The following C14orf93 variants were observed in gnomAD, a reference collection of about 807,000 sequenced individuals.
C14orf93 encodes chromosome 14 open reading frame 93, also known as uncharacterized protein C14orf93.
In C14orf93, 23 loss-of-function variants were observed where a neutral mutation model predicts 44.0. That is an observed-to-expected ratio of 0.52 (90% CI 0.38 to 0.74). The LOEUF (loss-of-function observed/expected upper bound fraction) is 0.74, where lower values mean the gene tolerates loss of function less well. Ranked by LOEUF, C14orf93 falls within the 30% of genes least tolerant of loss-of-function variation. C14orf93 has a pLI of 0.00. For missense variants in C14orf93, 579 were observed against 678.9 expected (o/e 0.85, Z 1.64); for synonymous variants, 253 against 265.7 (o/e 0.95, Z 0.46).
rs763903942 is a variant in C14orf93 at position 22,987,864 on chromosome 14, TAG to T, written c.1197+37_1197+38del. The T allele has an allele frequency of 1.7e-5, 26 of 1,523,316 alleles. No homozygotes were observed. The South Asian group carries it at 2.9e-4, about 17-fold the overall frequency. The allele number at this position is 1,523,316 out of a possible 1,614,324, so 94.4% of individuals were successfully genotyped here. On this transcript the variant is annotated intron_variant, in intron 6 of 6. Coordinates refer to ENST00000299088, the MANE Select transcript of C14orf93 (RefSeq NM_021944.4). The surrounding 1 kb of genome is among the most constrained non-coding windows in gnomAD (Gnocchi z 5.6). Reference sequence around the variant, plus strand: ...GGCCCTTCCCACTTAGGAAAGGGTTTAGAGTTTAGTATCTTGAAAGAAAGGCC... The same window carrying T: ...GGCCCTTCCCACTTAGGAAAGGGTTTAGTTTAGTATCTTGAAAGAAAGGCC...
At chr14:23,005,953 A>G (rs867496221) in intron 1 of C14orf93, 2 of 152,192 alleles carry the variant, frequency 1.3e-5, no homozygotes, top group African/African-American at 4.8e-5. Context: ...AATTTTCTGC[A>G]TGACTGAGTT....
At position 22,996,051 on chromosome 14, in the gene C14orf93, C is replaced by T; in HGVS notation, c.815G>A (p.Ser272Asn). Residue 272 changes from serine to asparagine, a missense_variant, in exon 3 of 7, where the codon AGC (serine) becomes AAC (asparagine). By Grantham distance (46) the Ser-to-Asn change is conservative. Transcript: ENST00000299088. This position sits in a 1 kb window ranked among gnomAD's most constrained non-coding sequence, Gnocchi z 4.1. Reference sequence around the variant, plus strand: ...TAGAGAGTGTCTCAGCTCCCCAGTGCTCCCAGGGCCTGACTCTTCCAAGGC... The same window carrying T: ...TAGAGAGTGTCTCAGCTCCCCAGTGTTCCCAGGGCCTGACTCTTCCAAGGC... ...DSALEESGPGSTGELRHSLGL... is the reference protein window; with the variant it reads ...DSALEESGPGNTGELRHSLGL... The T allele has an allele frequency of 1.2e-6, 2 of 1,614,198 alleles. No homozygotes were observed. Among genetic ancestry groups the T allele is most frequent in the South Asian group, 2.2e-5 (2 of 91,084 alleles).
intron 1 of C14orf93, among the ~76,000 whole-genome samples, chr14:23,001,933 G>C (rs1232462528): frequency 1.3e-5 from 2 of 150,720 alleles, no homozygotes; most frequent in Admixed American, 6.6e-5. Flanking sequence ...CGAATCACGA[G>C]GTCAGGAGAT....
Position 23,008,168 on chromosome 14 carries a change from A to C in C14orf93, c.-380+1933T>G, listed in dbSNP as rs1015630473. Among the ~76,000 whole-genome samples, 15 of 101,950 alleles carry C rather than the reference A, an allele frequency of 1.5e-4. No homozygotes were observed. The South Asian group carries it at 2.8e-3, about 19-fold the overall frequency. The allele number at this position is 101,950 out of a possible 152,430, so 66.9% of individuals were successfully genotyped here. A position where few individuals can be genotyped will look rare whatever the true frequency, so the allele number is the denominator to read the frequency against. ...AAACTCCGTTTCAAAAAAAAAAAAA[A>C]AAAAAAAAAAAACTCCCATCACTGT... On this transcript the variant is annotated intron_variant, in intron 1 of 6. Transcript: ENST00000299088.
In C14orf93 at chr14:22,990,140, A is replaced by G. The variant is rs1291609199; in HGVS notation, c.919-13T>C. On this transcript the variant is annotated splice_polypyrimidine_tract_variant and intron_variant, in intron 3 of 6. Transcript: ENST00000299088. ...TGTGGACCAGTTTCTAGGAGGAAAA[A>G]AAGAAAACACAATCAAGCCAAGAGT... The G allele has an allele frequency of 7.5e-6, 12 of 1,609,486 alleles. No individual in the cohort carries two copies. The highest frequency in any genetic ancestry group is 1.0e-5 in the Non-Finnish European group (12 of 1,176,604).
In C14orf93 at chr14:22,998,464, G is replaced by A. The variant is rs545851295; in HGVS notation, c.560C>T (p.Thr187Met). 3.0e-4 allele frequency: 485 copies of A among 1,602,462 alleles called. 3 individuals carry two copies. In the South Asian group the frequency reaches 4.9e-3, roughly 16 times the overall value. ...GGGGGCCGCCTCGCTGGCAGCCAGC[G>A]TGCACCCTGGGAGCCGCATGTCCCT... ...TQRDMRLPGC[T>M]LAASEAAPLL... Residue 187 changes from threonine to methionine, a missense_variant, in exon 2 of 7, where the codon ACG becomes ATG. Thr to Met is a moderately conservative substitution (Grantham distance 81). Transcript: ENST00000299088.
chr14:22,987,052 CCCA>C lies in C14orf93; in HGVS notation c.*160_*162del. On this transcript the variant is annotated 3_prime_UTR_variant, in exon 7 of 7. Transcript: ENST00000299088. The surrounding 1 kb of genome is among the most constrained non-coding windows in gnomAD (Gnocchi z 5.6). ...TCTCCCCTTCTAGATAAGTTTTTAT[CCCA>C]CCAGTGTTCTGCTTCCCCAGTAGAG... is the stretch of plus-strand genomic sequence containing the variant. 1 of 734,880 alleles carries C rather than the reference CCCA, an allele frequency of 1.4e-6. No individual in the cohort carries two copies. Among genetic ancestry groups the C allele is most frequent in the East Asian group, 2.7e-5 (1 of 36,930 alleles). The allele number at this position is 734,880 out of a possible 1,614,324, so 45.5% of individuals were successfully genotyped here.
intron 1 of C14orf93, chr14:22,999,936 C>T (rs2046208874): frequency 1.3e-5 from 2 of 152,206 alleles, no homozygotes; most frequent in South Asian, 4.1e-4. Flanking sequence ...GCACAGCCCC[C>T]TTTCCCACAT....
At chr14:23,004,834 C>T (rs1287464698) in intron 1 of C14orf93, among the ~76,000 whole-genome samples, 1 of 152,150 alleles carries the variant, frequency 6.6e-6, no homozygotes, top group African/African-American at 2.4e-5. Flanking sequence ...AGGAGAATCA[C>T]TTGAACCCGG....
chr14:23,001,664 G>C (rs1162959909), intron 1 of C14orf93, among the ~76,000 whole-genome samples: 1 of 151,166 alleles, frequency 6.6e-6, no homozygotes, highest in Non-Finnish European at 1.5e-5. Flanking sequence ...AGGGTTTCGC[G>C]CTGTTGGCCA....
chr14:22,992,137 C>G (rs1302942444), intron 3 of C14orf93, among the ~76,000 whole-genome samples: 1 of 152,128 alleles, frequency 6.6e-6, no homozygotes, highest in Non-Finnish European at 1.5e-5. Flanking sequence ...CATTCTGAGT[C>G]AGCTTATTCT....
chr14:22,998,361 A>G (rs1421008132), intron 2 of C14orf93, 66 bp downstream of exon 2: 1 of 1,435,356 alleles, frequency 7.0e-7, no homozygotes, highest in East Asian at 2.5e-5. Context: ...AAAAGAACAG[A>G]AAGGAAAAAG....
chr14:22,994,404 G>A (rs1288142911), intron 3 of C14orf93, among the ~76,000 whole-genome samples: 5 of 152,102 alleles, frequency 3.3e-5, no homozygotes, highest in Non-Finnish European at 7.4e-5. Flanking sequence ...CCAACTACTC[G>A]GGAGGGTGAG....
In C14orf93 at chr14:22,986,859, G is replaced by C. The variant is rs559756218; in HGVS notation, c.*356C>G. 2 of 268,444 alleles carry C rather than the reference G, an allele frequency of 7.5e-6. No homozygotes were observed. Among genetic ancestry groups the C allele is most frequent in the South Asian group, 9.9e-5 (2 of 20,248 alleles). The allele number at this position is 268,444 out of a possible 1,614,324, so 16.6% of individuals were successfully genotyped here. The stretch of plus-strand genomic sequence containing the variant: ...CCTGGGCTGCTTCCTCAGAGCTTTG[G>C]GTGGAACTGGGCAGGGGCAGAAACA... On this transcript the variant is annotated 3_prime_UTR_variant, in exon 7 of 7. Transcript: ENST00000299088.
rs1318297662 is a variant in C14orf93, at chr14:22,987,018, G to C, written c.*197C>G. The C allele has an allele frequency of 4.9e-6, 3 of 613,854 alleles. No homozygotes were observed. In the African/African-American group the frequency reaches 5.5e-5, roughly 11 times the overall value. The allele number at this position is 613,854 out of a possible 1,614,324, so 38.0% of individuals were successfully genotyped here. The stretch of plus-strand genomic sequence containing the variant: ...ATATTCTGGCTTACTGTTCACAGTG[G>C]AGGGAGTTTCTCCCCTTCTAGATAA... On this transcript the variant is annotated 3_prime_UTR_variant, in exon 7 of 7. Coordinates refer to ENST00000299088, the MANE Select transcript of C14orf93 (RefSeq NM_021944.4). This position sits in a 1 kb window ranked among gnomAD's most constrained non-coding sequence, Gnocchi z 5.6.
At chr14:23,009,634 C>A (rs2046784798) in intron 1 of C14orf93, among the ~76,000 whole-genome samples, 2 of 127,492 alleles carry the variant, frequency 1.6e-5, no homozygotes, top group African/African-American at 7.4e-5. Flanking sequence ...CACATCCCAG[C>A]CACTTGGTTT....
At position 22,989,249 on chromosome 14, in the gene C14orf93, T is replaced by C. The variant is rs116850941; in HGVS notation, c.1084+493A>G. Among the ~76,000 whole-genome samples, 1,425 of 152,354 alleles carry C rather than the reference T, an allele frequency of 9.4e-3. 11 individuals are homozygous for C. Among genetic ancestry groups the C allele is most frequent in the Middle Eastern group, 0.024 (7 of 294 alleles). On this transcript the variant is annotated intron_variant, in intron 5 of 6. Transcript: ENST00000299088. ...CTGAAATAATCCTCCTGCCCTGGCT[T>C]CCCAAAGTGCTAGGATTACAGGGAT...
chr14:22,994,020 T>C (rs2045818012), intron 3 of C14orf93: 1 of 152,232 alleles, frequency 6.6e-6, no homozygotes, highest in African/African-American at 2.4e-5. Flanking sequence ...GAGAGCATGA[T>C]GGTGAGTGAG....
At chr14:23,004,159 C>T (rs1234674343) in intron 1 of C14orf93, among the ~76,000 whole-genome samples, 1 of 150,568 alleles carries the variant, frequency 6.6e-6, no homozygotes, top group Non-Finnish European at 1.5e-5. Flanking sequence ...CCGCCCTCCT[C>T]AGCCTCCCAA....
Sources: allele counts gnomAD v4.1 joint callset (sites outside exome capture counted in the v4.1 genomes callset), GRCh38; gene constraint gnomAD v4.1.1; non-coding constraint Gnocchi (gnomAD v3.1); transcripts MANE v1.5; gene names NCBI Gene and HGNC (gene_info 2026-07-23, HGNC 2026-07-21).